The following SQLE variants were observed in gnomAD, a reference collection of about 807,000 sequenced individuals.
The protein encoded by SQLE is squalene monooxygenase.
A neutral mutation model predicts 60.7 loss-of-function variants in SQLE; 29 were observed. That is an observed-to-expected ratio of 0.48 (90% CI 0.36 to 0.65). The LOEUF is 0.65. SQLE is among the 30% of genes least tolerant of loss of function. The pLI, the probability that SQLE is intolerant of heterozygous loss-of-function variation, is 0.00. For missense variants in SQLE, 605 were observed against 684.1 expected, an observed-to-expected ratio of 0.88 and a Z score of 1.29; for synonymous variants, 237 against 246.8, an observed-to-expected ratio of 0.96 and a Z score of 0.37.
intron 3 of SQLE, 137 bp from the exon 4 acceptor site, chr8:125,007,254 A>C: frequency 2.2e-6 from 1 of 462,432 alleles, no homozygotes; most frequent in Non-Finnish European, 3.6e-6. Context: ...TTAGAAAATA[A>C]AAAACACACA....
chr8:125,009,305 G>T lies in SQLE; in HGVS notation c.1070G>T (p.Arg357Ile). Residue 357 changes from arginine (R) to isoleucine (I), a missense_variant, in exon 6 of 11, where the codon AGA becomes ATA. Physicochemically the swap from Arg to Ile is moderately conservative, Grantham distance 97. Coordinates refer to ENST00000265896, the MANE Select transcript of SQLE (RefSeq NM_003129.4). Reference sequence around the variant, plus strand: ...AGAGGAGAAATGCCAAGGAATTTAAGAGAATACATGGTTGAAAAAATTTAC... The same window carrying T: ...AGAGGAGAAATGCCAAGGAATTTAATAGAATACATGGTTGAAAAAATTTAC... ...DIRGEMPRNL[R>I]EYMVEKIYPQ... 1 of 1,613,002 alleles carries T rather than the reference G, an allele frequency of 6.2e-7. No homozygotes were observed. Among genetic ancestry groups the T allele is most frequent in the South Asian group, 1.1e-5 (1 of 90,806 alleles).
intron 4 of SQLE, among the ~76,000 whole-genome samples, chr8:125,008,029 C>T (rs1269831969): frequency 6.6e-6 from 1 of 152,168 alleles, no homozygotes; most frequent in East Asian, 1.9e-4. Context: ...AGCAATTTAA[C>T]TCAGGTAATA....
At chr8:125,000,918 A>G (rs1412240355) in intron 1 of SQLE, among the ~76,000 whole-genome samples, 1 of 152,140 alleles carries the variant, frequency 6.6e-6, no homozygotes, top group African/African-American at 2.4e-5. Context: ...TCTTTGGCAA[A>G]TTGCTTAATT....
chr8:124,998,598 G>A lies in SQLE; in HGVS notation c.-806G>A, dbSNP rs1330714988. ...GCTGGCGAGAGCCGCCGCCCGCGAG[G>A]GATGCTGGTGAGGAAGCCGTCGGGA... On this transcript the variant is annotated 5_prime_UTR_variant, in exon 1 of 11. Transcript: ENST00000265896. 2.9e-6 allele frequency: 2 copies of A among 686,072 alleles called. No individual in the cohort carries two copies. The highest frequency in any genetic ancestry group is 2.9e-5 in the East Asian group (1 of 34,960). 42.5% of individuals were successfully genotyped at this position (686,072 alleles called of 1,614,324 possible). A position where few individuals can be genotyped will look rare whatever the true frequency, so the allele number is the denominator to read the frequency against.
chr8:125,015,885 A>C (rs760502304), intron 7 of SQLE, among the ~76,000 whole-genome samples: 3 of 151,948 alleles, frequency 2.0e-5, no homozygotes, highest in Non-Finnish European at 4.4e-5. Context: ...TTGTAGCATA[A>C]AAGTTCTTTT....
intron 8 of SQLE, among the ~76,000 whole-genome samples, 172 bp downstream of exon 8, chr8:125,018,373 G>T (rs1815143372): frequency 6.6e-6 from 1 of 152,174 alleles, no homozygotes. Context: ...GAATCTTAGA[G>T]AATTTCTAAA....
At chr8:125,002,671 C>G (rs1373443338) in intron 1 of SQLE, among the ~76,000 whole-genome samples, 1 of 152,144 alleles carries the variant, frequency 6.6e-6, no homozygotes, top group Non-Finnish European at 1.5e-5. Flanking sequence ...GAGTGAAACT[C>G]AGTCTCAAAC....
chr8:125,003,961 G>T (rs1814907465), intron 2 of SQLE, among the ~76,000 whole-genome samples: 1 of 151,980 alleles, frequency 6.6e-6, no homozygotes, highest in South Asian at 2.1e-4. Context: ...TTTTTTCCAA[G>T]GGCACTAATC....
rs776464721 is a variant in SQLE at position 125,009,235 on chromosome 8, A to G, written c.1000A>G (p.Ile334Val). 6.2e-7 allele frequency: 1 copy of G among 1,613,820 alleles called. No homozygotes were observed. Residue 334 changes from isoleucine to valine, a missense_variant, in exon 6 of 11, where the codon ATC becomes GTC. By Grantham distance (29) the Ile-to-Val change is conservative. Transcript: ENST00000265896. ...TTTAGCTAACCCGAGTCCAGTTCTC[A>G]TCTACCAGATTTCATCCAGTGAAAC... ...LILANPSPVL[I>V]YQISSSETRV...
chr8:125,001,454 G>GTA (rs1814849493), intron 1 of SQLE, among the ~76,000 whole-genome samples: 1 of 128,782 alleles, frequency 7.8e-6, no homozygotes, highest in Admixed American at 8.4e-5. Flanking sequence ...TTCAGGGTGT[G>GTA]TGTGTGTGTG....
intron 1 of SQLE, among the ~76,000 whole-genome samples, 171 bp from the exon 2 acceptor site, chr8:125,003,004 AT>A (rs1814882080): frequency 6.6e-6 from 1 of 152,158 alleles, no homozygotes; most frequent in Non-Finnish European, 1.5e-5. Flanking sequence ...TTTTGATATC[AT>A]TGATTTTTAT....
chr8:125,012,077 A>T (rs1815047456), intron 7 of SQLE, among the ~76,000 whole-genome samples: 3 of 151,826 alleles, frequency 2.0e-5, no homozygotes, highest in South Asian at 2.1e-4. Context: ...GGACACTAAG[A>T]TGAGGAACTT....
At chr8:125,002,190 C>G (rs1814866263) in intron 1 of SQLE, among the ~76,000 whole-genome samples, 1 of 151,950 alleles carries the variant, frequency 6.6e-6, no homozygotes, top group African/African-American at 2.4e-5. Context: ...TGTTAAGGAC[C>G]AAAATTGTAA....
chr8:125,021,977 T>G lies in SQLE; in HGVS notation c.*32T>G, dbSNP rs929235383. The G allele has an allele frequency of 7.9e-6, 12 of 1,526,046 alleles. No individual in the cohort carries two copies. The highest frequency in any genetic ancestry group is 8.9e-6 in the Non-Finnish European group (10 of 1,124,296). The allele number at this position is 1,526,046 out of a possible 1,614,324, so 94.5% of individuals were successfully genotyped here. ...AGGGGAACCATTTGTGAATGAATATTTGGAACTTACCAAGTCCTAAGAGAC... is the reference window on the plus strand; with the variant it reads ...AGGGGAACCATTTGTGAATGAATATGTGGAACTTACCAAGTCCTAAGAGAC... On this transcript the variant is annotated 3_prime_UTR_variant, in exon 11 of 11. Transcript: ENST00000265896.
chr8:124,998,582 A>G lies in SQLE; in HGVS notation c.-822A>G. On this transcript the variant is annotated 5_prime_UTR_variant, in exon 1 of 11. Coordinates refer to ENST00000265896, the MANE Select transcript of SQLE (RefSeq NM_003129.4). ...ACTGGGGCCGCGCCGCGCTGGCGAG[A>G]GCCGCCGCCCGCGAGGGATGCTGGT... The G allele has an allele frequency of 1.5e-6, 1 of 685,030 alleles. No individual in the cohort carries two copies. The highest frequency in any genetic ancestry group is 2.7e-6 in the Non-Finnish European group (1 of 377,172). 42.4% of individuals were successfully genotyped at this position (685,030 alleles called of 1,614,324 possible).
chr8:125,020,726 C>A, intron 9 of SQLE, 58 bp from the exon 10 acceptor site: 3 of 1,062,308 alleles, frequency 2.8e-6, no homozygotes, highest in Non-Finnish European at 4.3e-6. Flanking sequence ...TCTGATATAT[C>A]ATTAGCATCC....
At position 125,005,678 on chromosome 8, in the gene SQLE, T is replaced by C; in HGVS notation, c.698T>C (p.Leu233Pro). The change falls in exon 3 of 11, where the codon CTC becomes CCC. Residue 233 changes from leucine (L) to proline (P), a missense_variant. Physicochemically the swap from Leu to Pro is moderately conservative, Grantham distance 98 (BLOSUM62 -3). Coordinates refer to ENST00000265896, the MANE Select transcript of SQLE (RefSeq NM_003129.4). ...AFHHGRFIMS[L>P]RKAAMAEPNA... ...CATCACGGAAGATTCATCATGAGTC[T>C]CCGGAAAGCAGCTATGGCAGAGCCC... The C allele has an allele frequency of 6.2e-7, 1 of 1,601,402 alleles. No individual in the cohort carries two copies. The highest frequency in any genetic ancestry group is 1.3e-5 in the African/African-American group (1 of 74,764).
chr8:125,003,369 T>C lies in SQLE; in HGVS notation c.485T>C (p.Ile162Thr), dbSNP rs1195618016. The C allele has an allele frequency of 1.2e-6, 2 of 1,613,962 alleles. No homozygotes were observed. The highest frequency in any genetic ancestry group is 1.7e-5 in the Admixed American group (1 of 60,028). ...AGAGACTTAAAAGAGCCTGACAGAA[T>C]AGTTGGAGAATTCCTGCAGCCGGGT... is the stretch of plus-strand genomic sequence containing the variant. ...IERDLKEPDR[I>T]VGEFLQPGGY... The change falls in exon 2 of 11, where the codon ATA (isoleucine) becomes ACA (threonine). Residue 162 changes from isoleucine to threonine, a missense_variant. Transcript: ENST00000265896.
At chr8:125,001,637 A>T (rs1814856045) in intron 1 of SQLE, among the ~76,000 whole-genome samples, 1 of 151,942 alleles carries the variant, frequency 6.6e-6, no homozygotes, top group African/African-American at 2.4e-5. Flanking sequence ...AGATCTTCCC[A>T]TAGTAAAAGG....
Sources: allele counts gnomAD v4.1 joint callset (sites outside exome capture counted in the v4.1 genomes callset), GRCh38; gene constraint gnomAD v4.1.1; transcripts MANE v1.5; gene names NCBI Gene and HGNC (gene_info 2026-07-23, HGNC 2026-07-21).